The following ADK variants were observed in gnomAD, a reference collection of about 807,000 sequenced individuals.
ADK encodes adenosine kinase, also known as N6,N6-dimethyladenosine kinase.
Under a neutral mutation model 44.7 loss-of-function variants are expected in ADK, and 24 were observed. That is an observed-to-expected ratio of 0.54 (90% CI 0.39 to 0.76). The LOEUF (loss-of-function observed/expected upper bound fraction) is 0.76. Ranked by LOEUF, ADK falls within the 30% of genes least tolerant of loss-of-function variation. ADK has a pLI of 0.00. For synonymous variants in ADK, 128 were observed against 142.6 expected, an observed-to-expected ratio of 0.90 and a Z score of 0.73; for missense variants, 321 against 425.1, an observed-to-expected ratio of 0.76 and a Z score of 2.15.
chr10:74,503,835 C>G (rs1847957596), intron 6 of ADK, among the ~76,000 whole-genome samples: 1 of 152,150 alleles, frequency 6.6e-6, no homozygotes, highest in Non-Finnish European at 1.5e-5. Flanking sequence ...ATCCCAGGCA[C>G]AGGCAATTTT....
chr10:74,183,205 G>A (rs2132089956), intron 1 of ADK, among the ~76,000 whole-genome samples: 1 of 152,324 alleles, frequency 6.6e-6, no homozygotes, highest in East Asian at 1.9e-4. Flanking sequence ...AAAGTGCTGG[G>A]CCTCCCAAAA....
At chr10:74,273,410 AT>A (rs1455490607) in intron 3 of ADK, among the ~76,000 whole-genome samples, 2 of 151,102 alleles carry the variant, frequency 1.3e-5, no homozygotes, top group African/African-American at 4.9e-5. Flanking sequence ...TTGCAATTTG[AT>A]TTTTCCCTCT....
At chr10:74,551,876 C>T (rs1051016096) in intron 7 of ADK, among the ~76,000 whole-genome samples, 1 of 152,150 alleles carries the variant, frequency 6.6e-6, no homozygotes, top group East Asian at 1.9e-4. Context: ...ATTCAAGTCC[C>T]TTGCATAAAA....
chr10:74,416,820 T>C (rs1844392359), intron 6 of ADK, among the ~76,000 whole-genome samples: 1 of 152,000 alleles, frequency 6.6e-6, no homozygotes, highest in South Asian at 2.1e-4. Context: ...AAATAAAATA[T>C]CAAATGTAGA....
chr10:74,529,976 A>G (rs1589222242), intron 7 of ADK, among the ~76,000 whole-genome samples: 1 of 152,124 alleles, frequency 6.6e-6, no homozygotes, highest in Non-Finnish European at 1.5e-5. Context: ...GATTTAGATA[A>G]AGCTATATTT....
chr10:74,250,041 C>G (rs1415951770), intron 3 of ADK, among the ~76,000 whole-genome samples: 2 of 152,178 alleles, frequency 1.3e-5, no homozygotes, highest in African/African-American at 4.8e-5. Flanking sequence ...TTGCGCCACT[C>G]TCTCCCTATT....
At chr10:74,423,800 G>A (rs1308443005) in intron 6 of ADK, 7 of 332,096 alleles carry the variant, frequency 2.1e-5, no homozygotes, top group African/African-American at 4.4e-5. Context: ...CTATGATACC[G>A]CTCCTGTCCA....
At chr10:74,256,814 G>A (rs141861591) in intron 3 of ADK, among the ~76,000 whole-genome samples, 9 of 152,244 alleles carry the variant, frequency 5.9e-5, no homozygotes, top group South Asian at 2.1e-4. Context: ...TGAACCTAAC[G>A]TGTTTTTATT....
intron 3 of ADK, among the ~76,000 whole-genome samples, chr10:74,242,591 G>A (rs1845257767): frequency 6.6e-6 from 1 of 152,204 alleles, no homozygotes; most frequent in South Asian, 2.1e-4. Flanking sequence ...AATAGGGGTG[G>A]GTCCCTGGTG....
intron 10 of ADK, among the ~76,000 whole-genome samples, chr10:74,706,526 G>A (rs1856608411): frequency 6.6e-6 from 1 of 151,978 alleles, no homozygotes; most frequent in African/African-American, 2.4e-5. Context: ...GGGATTGTTT[G>A]GGCACCTGTG....
chr10:74,496,253 T>C (rs1847683954), intron 6 of ADK, among the ~76,000 whole-genome samples: 1 of 152,192 alleles, frequency 6.6e-6, no homozygotes, highest in Non-Finnish European at 1.5e-5. Context: ...ACTACAGGCA[T>C]GTGCCACTGC....
intron 6 of ADK, among the ~76,000 whole-genome samples, chr10:74,469,803 C>T (rs1057286041): frequency 6.6e-6 from 1 of 152,174 alleles, no homozygotes; most frequent in African/African-American, 2.4e-5. Context: ...CCCCTTCATA[C>T]AGCCCCAGGC....
chr10:74,308,015 A>G (rs979441539), intron 3 of ADK, among the ~76,000 whole-genome samples: 2 of 152,352 alleles, frequency 1.3e-5, no homozygotes, highest in East Asian at 3.9e-4. Flanking sequence ...AATGAAAATC[A>G]TAAATTGGTT....
chr10:74,288,185 A>T (rs1847263585), intron 3 of ADK, among the ~76,000 whole-genome samples: 1 of 152,052 alleles, frequency 6.6e-6, no homozygotes, highest in Non-Finnish European at 1.5e-5. Context: ...TTTGGCTTAC[A>T]TTATTTGGGG....
chr10:74,603,461 G>A (rs977084669), intron 9 of ADK, among the ~76,000 whole-genome samples: 5 of 152,072 alleles, frequency 3.3e-5, no homozygotes, highest in South Asian at 4.1e-4. Context: ...CCTTGTGTCC[G>A]TGTGTTCTCA....
chr10:74,446,993 T>C (rs1034032788), intron 6 of ADK, among the ~76,000 whole-genome samples: 3 of 152,278 alleles, frequency 2.0e-5, no homozygotes, highest in African/African-American at 4.8e-5. Context: ...TATTTTGATA[T>C]CTGCTGTACT....
intron 10 of ADK, among the ~76,000 whole-genome samples, chr10:74,703,906 ATATTGTGCACC>A (rs1156564282): frequency 1.3e-5 from 2 of 152,336 alleles, no homozygotes; most frequent in Admixed American, 1.3e-4. Context: ...AATGTTAACA[ATATTGTGCACC>A]TGGGTAGATG....
intron 6 of ADK, among the ~76,000 whole-genome samples, chr10:74,445,528 C>T (rs1845562598): frequency 6.6e-6 from 1 of 151,716 alleles, no homozygotes; most frequent in African/African-American, 2.4e-5. Flanking sequence ...TTTTAAGTGC[C>T]TTTAAGTGAA....
intron 8 of ADK, among the ~76,000 whole-genome samples, chr10:74,598,461 T>TTTTTTTTTA: frequency 7.1e-6 from 1 of 139,976 alleles, no homozygotes; most frequent in South Asian, 2.5e-4. Flanking sequence ...TTTTTTTTTT[T>TTTTTTTTTA]TTTTTTTGAG....
Sources: allele counts gnomAD v4.1 joint callset (sites outside exome capture counted in the v4.1 genomes callset), GRCh38; gene constraint gnomAD v4.1.1; transcripts MANE v1.5; gene names NCBI Gene and HGNC (gene_info 2026-07-23, HGNC 2026-07-21).